The following FBXW4 variants were observed in gnomAD, a reference collection of about 807,000 sequenced individuals.
FBXW4 encodes the protein F-box and WD repeat domain containing 4.
Under a neutral mutation model 61.8 loss-of-function variants are expected in FBXW4, and 40 were observed. The ratio of observed to expected loss-of-function variants is 0.65; its 90% CI spans 0.50 to 0.84. The LOEUF (loss-of-function observed/expected upper bound fraction) is 0.84, where lower values mean the gene tolerates loss of function less well. Ranked by LOEUF, FBXW4 falls within the 40% of genes least tolerant of loss-of-function variation. The pLI is 0.00. For synonymous variants in FBXW4, 311 were observed against 313.8 expected (o/e 0.99, Z 0.10); for missense variants, 672 against 753.8 (o/e 0.89, Z 1.27).
chr10:101,641,123 G>A (rs952078403), intron 5 of FBXW4, among the ~76,000 whole-genome samples: 3 of 152,214 alleles, frequency 2.0e-5, no homozygotes, highest in African/African-American at 4.8e-5. Context: ...GAGCCACCGC[G>A]CCCAGCCAAC....
intron 5 of FBXW4, among the ~76,000 whole-genome samples, chr10:101,643,524 G>A (rs147177413): frequency 5.9e-5 from 9 of 152,350 alleles, no homozygotes; most frequent in South Asian, 2.1e-4. Flanking sequence ...GCATATGCAC[G>A]CTTTGCATTA....
chr10:101,681,282 G>A (rs1306135970), intron 1 of FBXW4, among the ~76,000 whole-genome samples: 1 of 151,912 alleles, frequency 6.6e-6, no homozygotes, highest in Non-Finnish European at 1.5e-5. Flanking sequence ...CAGCTACTCG[G>A]GAGGCTAAGG....
intron 5 of FBXW4, among the ~76,000 whole-genome samples, chr10:101,639,518 C>A (rs1055796419): frequency 3.3e-5 from 5 of 152,182 alleles, no homozygotes; most frequent in African/African-American, 1.2e-4. Flanking sequence ...TAGTAGACAC[C>A]TATTGTTCTG....
chr10:101,664,528 A>G (rs1564919532), intron 5 of FBXW4, among the ~76,000 whole-genome samples: 2 of 152,208 alleles, frequency 1.3e-5, no homozygotes, highest in Admixed American at 6.5e-5. Context: ...CTCAACAGGA[A>G]TGGTGGCAGG....
chr10:101,668,150 T>C (rs527417767), intron 4 of FBXW4, among the ~76,000 whole-genome samples, 170 bp from the exon 5 acceptor site: 2 of 152,310 alleles, frequency 1.3e-5, no homozygotes, highest in African/African-American at 4.8e-5. Flanking sequence ...CTGGCTCACC[T>C]ACCCCCGCAG....
At chr10:101,680,513 C>T (rs561922611) in intron 1 of FBXW4, among the ~76,000 whole-genome samples, 2 of 152,262 alleles carry the variant, frequency 1.3e-5, no homozygotes, top group East Asian at 1.9e-4. Flanking sequence ...ACCCTGTCTC[C>T]AATACCATAT....
Position 101,674,852 on chromosome 10 carries a change from A to C in FBXW4, c.822-1179T>G, listed in dbSNP as rs140851729. On this transcript the variant is annotated intron_variant, in intron 2 of 8. Transcript: ENST00000331272. The stretch of plus-strand genomic sequence containing the variant: ...ACTTAAGAAGAAAGAAGACTGTCAG[A>C]TACTAGGCTCTCTGGTGGAAACTAA... 3.7e-4 allele frequency among the ~76,000 whole-genome samples: 57 copies of C among 152,354 alleles called. 1 individual carries two copies. The East Asian group carries it at 0.01, about 27-fold the overall frequency.
In FBXW4 at chr10:101,695,033, T is replaced by G; in HGVS notation, c.73A>C (p.Lys25Gln). The change falls in exon 1 of 9, where the codon AAG becomes CAG. Residue 25 changes from lysine to glutamine, a missense_variant. Lys to Gln is a moderately conservative substitution (Grantham distance 53). Around this residue, in one of 5 missense-constraint regions of FBXW4, gnomAD observed 38 missense variants for 43.3 expected, o/e 0.88. Coordinates refer to ENST00000331272, the MANE Select transcript of FBXW4 (RefSeq NM_022039.4). This position sits in a 1 kb window ranked among gnomAD's most constrained non-coding sequence, Gnocchi z 4.2. ...CTCGCCACCCTCCCTTCCTGCAGCT[T>G]CCTCGCCTCTCCGCCCTCGCCCTCG... is the stretch of plus-strand genomic sequence containing the variant. ...PGEGEGGEAR[K>Q]LQEGRVARGK... 4 of 1,004,336 alleles carry G rather than the reference T, an allele frequency of 4.0e-6. No homozygotes were observed. Among genetic ancestry groups the G allele is most frequent in the South Asian group, 4.7e-5 (1 of 21,484 alleles). The allele number at this position is 1,004,336 out of a possible 1,614,324, so 62.2% of individuals were successfully genotyped here. A position where few individuals can be genotyped will look rare whatever the true frequency, so the allele number is the denominator to read the frequency against.
At chr10:101,649,564 C>G (rs553345670) in intron 5 of FBXW4, among the ~76,000 whole-genome samples, 1 of 152,338 alleles carries the variant, frequency 6.6e-6, no homozygotes, top group African/African-American at 2.4e-5. Flanking sequence ...TCCTCTGAAA[C>G]AGAGTGACCC....
chr10:101,666,988 T>C (rs935399819), intron 5 of FBXW4, among the ~76,000 whole-genome samples: 3 of 151,464 alleles, frequency 2.0e-5, no homozygotes, highest in Non-Finnish European at 2.9e-5. Context: ...TCCCAGCACT[T>C]TGGGAGGCCG....
intron 1 of FBXW4, among the ~76,000 whole-genome samples, chr10:101,687,056 G>A (rs2064541394): frequency 6.6e-6 from 1 of 152,162 alleles, no homozygotes; most frequent in African/African-American, 2.4e-5. Flanking sequence ...TAAGGAGAAT[G>A]AACTCATTAC....
chr10:101,685,455 TC>T (rs1253301151), intron 1 of FBXW4, among the ~76,000 whole-genome samples: 1 of 152,186 alleles, frequency 6.6e-6, no homozygotes, highest in Non-Finnish European at 1.5e-5. Flanking sequence ...CAACTAACAA[TC>T]CACAATTTTA....
chr10:101,657,088 C>G (rs1252074572), intron 5 of FBXW4, among the ~76,000 whole-genome samples: 1 of 152,186 alleles, frequency 6.6e-6, no homozygotes, highest in African/African-American at 2.4e-5. Flanking sequence ...CCCTCCAATC[C>G]TCCCGCCCTT....
In FBXW4 at chr10:101,694,181, G is replaced by A. The variant is rs568484333; in HGVS notation, c.725+200C>T. Among the ~76,000 whole-genome samples, 1 of 152,278 alleles carries A rather than the reference G, an allele frequency of 6.6e-6. No homozygotes were observed. The highest frequency in any genetic ancestry group is 1.9e-4 in the East Asian group (1 of 5,168). ...TACTGAGGGATGCTCTCGGGAGGCT[G>A]CCTCAGATGGAGGCCTTGGGGAGGA... On this transcript the variant is annotated intron_variant, in intron 1 of 8. Coordinates refer to ENST00000331272, the MANE Select transcript of FBXW4 (RefSeq NM_022039.4). The surrounding 1 kb of genome is among the most constrained non-coding windows in gnomAD (Gnocchi z 6.0).
At chr10:101,667,855 A>T in intron 5 of FBXW4, 31 bp downstream of exon 5, 1 of 1,574,208 alleles carries the variant, frequency 6.4e-7, no homozygotes, top group Non-Finnish European at 8.7e-7. Context: ...ATTATACAGG[A>T]CAAAACCACA....
At chr10:101,631,919 G>A (rs1243795032) in intron 5 of FBXW4, among the ~76,000 whole-genome samples, 4 of 152,110 alleles carry the variant, frequency 2.6e-5, no homozygotes, top group Non-Finnish European at 1.5e-5. Context: ...GAGCCACCGT[G>A]CCCAGCCATT....
At chr10:101,623,675 C>T (rs1186053267) in intron 6 of FBXW4, among the ~76,000 whole-genome samples, 1 of 152,148 alleles carries the variant, frequency 6.6e-6, no homozygotes, top group African/African-American at 2.4e-5. Flanking sequence ...AAATTGAAAA[C>T]AGCCCAAACA....
At chr10:101,614,531 G>A (rs1450942576) in intron 6 of FBXW4, among the ~76,000 whole-genome samples, 1 of 152,208 alleles carries the variant, frequency 6.6e-6, no homozygotes, top group African/African-American at 2.4e-5. Context: ...GCCCTCGGGG[G>A]GAGAGCCAAG....
chr10:101,693,805 G>A (rs1398566079), intron 1 of FBXW4, among the ~76,000 whole-genome samples: 1 of 152,142 alleles, frequency 6.6e-6, no homozygotes, highest in Non-Finnish European at 1.5e-5. Context: ...CCAGCCTCCT[G>A]CCTCAAGCAG....
Sources: allele counts gnomAD v4.1 joint callset (sites outside exome capture counted in the v4.1 genomes callset), GRCh38; gene constraint gnomAD v4.1.1; regional missense constraint gnomAD v4.1.1; non-coding constraint Gnocchi (gnomAD v3.1); transcripts MANE v1.5; gene names NCBI Gene and HGNC (gene_info 2026-07-23, HGNC 2026-07-21).